The following ADK variants were observed in gnomAD, a reference collection of about 807,000 sequenced individuals.
The protein encoded by ADK is N6,N6-dimethyladenosine kinase.
Under a neutral mutation model 44.7 loss-of-function variants are expected in ADK, and 24 were observed. The observed-to-expected ratio is 0.54, with a 90% CI of 0.39 to 0.76. The LOEUF is 0.76. Ranked by LOEUF, ADK falls within the 30% of genes least tolerant of loss-of-function variation. The pLI is 0.00. For synonymous variants in ADK, 128 were observed against 142.6 expected (o/e 0.90, Z 0.73); for missense variants, 321 against 425.1 (o/e 0.76, Z 2.15).
chr10:74,694,904 TCTTA>T (rs1856118857), intron 10 of ADK, among the ~76,000 whole-genome samples: 2 of 152,158 alleles, frequency 1.3e-5, no homozygotes, highest in Admixed American at 6.5e-5. Context: ...CTTCTAAAAG[TCTTA>T]CTATTTTTCC....
At chr10:74,552,750 T>C (rs1296889339) in intron 7 of ADK, among the ~76,000 whole-genome samples, 3 of 152,112 alleles carry the variant, frequency 2.0e-5, no homozygotes, top group African/African-American at 7.2e-5. Context: ...AATAGCATAA[T>C]TTTTAAAAAT....
At chr10:74,628,547 G>A (rs1323820279) in intron 9 of ADK, among the ~76,000 whole-genome samples, 7 of 151,544 alleles carry the variant, frequency 4.6e-5, no homozygotes, top group Non-Finnish European at 1.5e-5. Context: ...TTTTTTTCAG[G>A]TCCTGCTGGC....
In ADK at chr10:74,648,886, A is replaced by G. The variant is rs550456510; in HGVS notation, c.878-21297A>G. On this transcript the variant is annotated intron_variant, in intron 9 of 10. Coordinates refer to ENST00000539909, the MANE Select transcript of ADK (RefSeq NM_006721.4). ...TGTAATTGCCATAGTAACCACTAAG[A>G]AAATAAGAAATAGGTCAGGGCGCAG... is the stretch of plus-strand genomic sequence containing the variant. Among the ~76,000 whole-genome samples, 5 of 152,172 alleles carry G rather than the reference A, an allele frequency of 3.3e-5. No individual in the cohort carries two copies. The East Asian group carries it at 9.7e-4, about 29-fold the overall frequency.
At chr10:74,169,813 AT>A (rs1474508165) in intron 1 of ADK, among the ~76,000 whole-genome samples, 4 of 152,240 alleles carry the variant, frequency 2.6e-5, no homozygotes, top group African/African-American at 9.6e-5. Context: ...CTTTAAAAAA[AT>A]TCAATATGTT....
At chr10:74,220,668 C>T (rs1844269473) in intron 2 of ADK, among the ~76,000 whole-genome samples, 1 of 152,166 alleles carries the variant, frequency 6.6e-6, no homozygotes, top group Non-Finnish European at 1.5e-5. Flanking sequence ...AAAGCTTATC[C>T]ACCATGATCA....
At chr10:74,371,521 C>T (rs1191021368) in intron 4 of ADK, 27 of 826,962 alleles carry the variant, frequency 3.3e-5, no homozygotes, top group Admixed American at 2.4e-4. Flanking sequence ...TAGCTTAAAG[C>T]GAAACTTTTC....
At chr10:74,604,012 T>G (rs1407071880) in intron 9 of ADK, among the ~76,000 whole-genome samples, 1 of 152,154 alleles carries the variant, frequency 6.6e-6, no homozygotes, top group East Asian at 1.9e-4. Flanking sequence ...GATGATGAGC[T>G]TTTTTTCATG....
chr10:74,569,846 C>G (rs1023733660), intron 7 of ADK, among the ~76,000 whole-genome samples: 4 of 152,158 alleles, frequency 2.6e-5, no homozygotes, highest in African/African-American at 7.2e-5. Context: ...GAAGTCCTTG[C>G]CCATGCCTAT....
intron 9 of ADK, among the ~76,000 whole-genome samples, chr10:74,664,821 G>A (rs1321584036): frequency 3.3e-5 from 5 of 152,082 alleles, no homozygotes; most frequent in African/African-American, 9.7e-5. Flanking sequence ...CAGCCTGGGC[G>A]ACGCAGCGAA....
intron 10 of ADK, among the ~76,000 whole-genome samples, chr10:74,689,694 T>C (rs900356420): frequency 3.3e-5 from 5 of 152,174 alleles, no homozygotes; most frequent in African/African-American, 4.8e-5. Flanking sequence ...AGCTCATCCA[T>C]AAAGGAGGCA....
At chr10:74,267,368 T>G (rs1358707079) in intron 3 of ADK, among the ~76,000 whole-genome samples, 1 of 152,210 alleles carries the variant, frequency 6.6e-6, no homozygotes, top group Non-Finnish European at 1.5e-5. Flanking sequence ...TGTGGTACTT[T>G]AGTATGTGTG....
At chr10:74,238,460 G>A (rs374237702) in intron 3 of ADK, among the ~76,000 whole-genome samples, 1 of 152,140 alleles carries the variant, frequency 6.6e-6, no homozygotes, top group Non-Finnish European at 1.5e-5. Context: ...AACGGCCTCA[G>A]TAAGAGGTTT....
At chr10:74,212,480 T>C (rs1366554531) in intron 2 of ADK, among the ~76,000 whole-genome samples, 5 of 152,192 alleles carry the variant, frequency 3.3e-5, no homozygotes, top group Non-Finnish European at 5.9e-5. Context: ...AGAATAGAGG[T>C]TAAGAGTGTG....
intron 4 of ADK, among the ~76,000 whole-genome samples, chr10:74,318,828 A>C (rs1228064077): frequency 1.3e-5 from 2 of 152,222 alleles, no homozygotes; most frequent in Non-Finnish European, 2.9e-5. Flanking sequence ...ACTATAAACT[A>C]ATTCCTATAT....
intron 4 of ADK, among the ~76,000 whole-genome samples, chr10:74,392,478 G>A (rs984328696): frequency 9.2e-5 from 14 of 151,982 alleles, no homozygotes; most frequent in African/African-American, 3.4e-4. Flanking sequence ...GTCTATTCAA[G>A]TCCTTTGCCC....
intron 4 of ADK, among the ~76,000 whole-genome samples, chr10:74,380,473 C>T (rs1842945314): frequency 6.6e-6 from 1 of 151,968 alleles, no homozygotes. Context: ...AAGAATAGTT[C>T]TTCTCCGGGC....
chr10:74,682,155 G>T (rs1855629022), intron 10 of ADK, among the ~76,000 whole-genome samples: 1 of 152,134 alleles, frequency 6.6e-6, no homozygotes, highest in Non-Finnish European at 1.5e-5. Context: ...GGGTGAAAGG[G>T]CATCTTATCT....
At chr10:74,208,872 A>G (rs1280382155) in intron 2 of ADK, among the ~76,000 whole-genome samples, 2 of 151,880 alleles carry the variant, frequency 1.3e-5, no homozygotes, top group South Asian at 2.1e-4. Flanking sequence ...GAGTAGCTGG[A>G]ACTACAGGCA....
intron 6 of ADK, among the ~76,000 whole-genome samples, chr10:74,447,301 G>C (rs936226286): frequency 1.3e-5 from 2 of 152,040 alleles, no homozygotes; most frequent in South Asian, 4.1e-4. Context: ...GTGAGGGTGG[G>C]CATTAATGAT....
Sources: allele counts gnomAD v4.1 joint callset (sites outside exome capture counted in the v4.1 genomes callset), GRCh38; gene constraint gnomAD v4.1.1; transcripts MANE v1.5; gene names NCBI Gene and HGNC (gene_info 2026-07-23, HGNC 2026-07-21).